AK9: variants seen among roughly 807,000 people sequenced by gnomAD.
The protein encoded by AK9 is adenylate kinase 9, also known as adenylate kinase domain containing 1.
AK9 carries 191 observed loss-of-function variants against 239.6 expected under a neutral mutation model. That is an observed-to-expected ratio of 0.80 (90% CI 0.71 to 0.90). AK9 has a LOEUF of 0.90. AK9 is among the 40% of genes least tolerant of loss of function. AK9 has a pLI of 0.00. For missense variants in AK9, 1,995 were observed against 2,214.7 expected, an observed-to-expected ratio of 0.90 and a Z score of 1.99; for synonymous variants, 689 against 721.0, an observed-to-expected ratio of 0.96 and a Z score of 0.71.
At chr6:109,498,930 A>G in intron 36 of AK9, 114 bp downstream of exon 36, 1 of 860,800 alleles carries the variant, frequency 1.2e-6, no homozygotes, top group Non-Finnish European at 1.7e-6. Context: ...CACAAGTTCC[A>G]GTAATGGGGC....
chr6:109,493,335 C>G lies in AK9; in HGVS notation c.*34G>C, dbSNP rs948791415. ...GTTTCCCTCTATCACTTTCAGATAA[C>G]TCTTGAGATTCAGGCTGCTATCACC... On this transcript the variant is annotated 3_prime_UTR_variant, in exon 41 of 41. Coordinates refer to ENST00000424296, the MANE Select transcript of AK9 (RefSeq NM_001145128.3). 6.3e-7 allele frequency: 1 copy of G among 1,586,262 alleles called. No homozygotes were observed.
Position 109,495,376 on chromosome 6 carries a change from G to A in AK9, c.5380C>T (p.Leu1794Phe). 5 of 1,613,888 alleles carry A rather than the reference G, an allele frequency of 3.1e-6. No individual in the cohort carries two copies. The highest frequency in any genetic ancestry group is 4.2e-6 in the Non-Finnish European group (5 of 1,179,938). Residue 1794 changes from leucine to phenylalanine, a missense_variant, in exon 39 of 41, where the codon CTT (leucine) becomes TTT (phenylalanine). This residue lies in a region of AK9 where 391 missense variants were observed against 456.0 expected (regional missense o/e 0.86). Coordinates refer to ENST00000424296, the MANE Select transcript of AK9 (RefSeq NM_001145128.3). ...HKLPPLREPI[L>F]LTSLPLPGYL... ...CCAGGCAAAGGAAGACTAGTAAGAA[G>A]TATCGGTTCCCTTAATGGGGGAAGC...
rs568703042 is a variant in AK9 at position 109,534,202 on chromosome 6, A to C, written c.3351-732T>G. Reference sequence around the variant, plus strand: ...GCCATTGCACTCCAGCCTGGGAAACAAGAGTGAAACTCCTTCTCAAAAAAA... The same window carrying C: ...GCCATTGCACTCCAGCCTGGGAAACCAGAGTGAAACTCCTTCTCAAAAAAA... On this transcript the variant is annotated intron_variant, in intron 27 of 40. Transcript: ENST00000424296. Among the ~76,000 whole-genome samples, 8 of 151,452 alleles carry C rather than the reference A, an allele frequency of 5.3e-5. No individual in the cohort carries two copies. The East Asian group carries it at 1.2e-3, about 22-fold the overall frequency.
chr6:109,511,812 TA>T (rs1778780177), intron 32 of AK9, among the ~76,000 whole-genome samples: 5 of 152,142 alleles, frequency 3.3e-5, no homozygotes, highest in Admixed American at 2.6e-4. Flanking sequence ...ATTAGGCTCC[TA>T]AAATTTGACA....
chr6:109,663,014 A>T (rs1182217438), intron 5 of AK9, among the ~76,000 whole-genome samples: 3 of 152,106 alleles, frequency 2.0e-5, no homozygotes, highest in Non-Finnish European at 2.9e-5. Flanking sequence ...AAGGTATATT[A>T]TAGGGGTTGC....
At chr6:109,648,572 C>T (rs1006326687) in intron 8 of AK9, among the ~76,000 whole-genome samples, 12 of 152,210 alleles carry the variant, frequency 7.9e-5, no homozygotes, top group Non-Finnish European at 7.3e-5. Context: ...AGACCAATAA[C>T]AGGCTCTGAA....
rs773179611 is a variant in AK9 at position 109,499,032 on chromosome 6, G to A, written c.5046+12C>T. ...TTCTTTAGTAAATATTTGGAGTTAG[G>A]AACAAACTTACATTCAGTTTTTCCT... On this transcript the variant is annotated intron_variant, in intron 36 of 40. Transcript: ENST00000424296. The A allele has an allele frequency of 4.0e-6, 6 of 1,493,436 alleles. No individual in the cohort carries two copies. In the South Asian group the frequency reaches 6.7e-5, roughly 17 times the overall value. The allele number at this position is 1,493,436 out of a possible 1,614,324, so 92.5% of individuals were successfully genotyped here. A position where few individuals can be genotyped will look rare whatever the true frequency, so the allele number is the denominator to read the frequency against.
chr6:109,540,360 T>C (rs565802191), intron 27 of AK9, among the ~76,000 whole-genome samples: 2 of 152,328 alleles, frequency 1.3e-5, no homozygotes, highest in East Asian at 3.9e-4. Context: ...GACTGCTGTG[T>C]TAGCAATGAG....
At chr6:109,659,524 C>T in intron 6 of AK9, 111 bp from the exon 7 acceptor site, 1 of 1,328,622 alleles carries the variant, frequency 7.5e-7, no homozygotes, top group Non-Finnish European at 9.9e-7. Flanking sequence ...TCCTTTAAAA[C>T]CTGAGCAAAT....
intron 1 of AK9, among the ~76,000 whole-genome samples, chr6:109,682,865 A>G (rs1772883898): frequency 6.6e-6 from 1 of 152,212 alleles, no homozygotes; most frequent in African/African-American, 2.4e-5. Flanking sequence ...TCCAATCAAT[A>G]GAAAAAGAGG....
chr6:109,507,752 C>T (rs1284557910), intron 33 of AK9, among the ~76,000 whole-genome samples: 6 of 152,134 alleles, frequency 3.9e-5, no homozygotes, highest in African/African-American at 1.4e-4. Flanking sequence ...TACGGCCATA[C>T]GTCTATATTT....
intron 29 of AK9, among the ~76,000 whole-genome samples, chr6:109,520,263 T>C (rs1291901357): frequency 6.6e-6 from 1 of 152,168 alleles, no homozygotes; most frequent in Non-Finnish European, 1.5e-5. Context: ...CACATTTACA[T>C]CTTTAATTTA....
At chr6:109,624,226 C>T (rs1401314933) in intron 12 of AK9, among the ~76,000 whole-genome samples, 4 of 152,118 alleles carry the variant, frequency 2.6e-5, no homozygotes, top group African/African-American at 9.7e-5. Context: ...ATTTTCTAGG[C>T]TTCCAGGCCT....
At position 109,509,227 on chromosome 6, in the gene AK9, A is replaced by G; in HGVS notation, c.4433T>C (p.Ile1478Thr). Reference sequence around the variant, plus strand: ...CATCAGAGAAAGTTCTAAGGCTTGAATAGCCAGTTCATCAGGTGCTGTCAT... The same window carrying G: ...CATCAGAGAAAGTTCTAAGGCTTGAGTAGCCAGTTCATCAGGTGCTGTCAT... ...KGMTAPDELAIQALELSLMES... is the reference protein window; with the variant it reads ...KGMTAPDELATQALELSLMES... Residue 1478 changes from isoleucine (I) to threonine (T), a missense_variant, in exon 33 of 41, where the codon ATT becomes ACT. This residue lies in a region of AK9 where 45 missense variants were observed against 80.5 expected (regional missense o/e 0.56). Coordinates refer to ENST00000424296, the MANE Select transcript of AK9 (RefSeq NM_001145128.3). The G allele has an allele frequency of 6.4e-7, 1 of 1,552,164 alleles. No homozygotes were observed. The highest frequency in any genetic ancestry group is 1.4e-5 in the African/African-American group (1 of 73,172).
intron 29 of AK9, chr6:109,528,230 T>C (rs761382937): frequency 5.7e-5 from 19 of 332,290 alleles, no homozygotes; most frequent in Admixed American, 3.1e-4. Context: ...AGTAGTTAAC[T>C]GTACTTAATT....
intron 20 of AK9, among the ~76,000 whole-genome samples, chr6:109,576,622 T>A (rs907182009): frequency 6.6e-6 from 1 of 151,938 alleles, no homozygotes; most frequent in African/African-American, 2.4e-5. Context: ...GATCATATCA[T>A]CAATGAACAG....
chr6:109,513,643 A>G (rs1220831437), intron 32 of AK9, among the ~76,000 whole-genome samples: 1 of 152,228 alleles, frequency 6.6e-6, no homozygotes, highest in Non-Finnish European at 1.5e-5. Flanking sequence ...CAGGATTAAC[A>G]AGAATTCTAG....
intron 17 of AK9, among the ~76,000 whole-genome samples, chr6:109,600,623 C>T (rs1791803696): frequency 6.6e-6 from 1 of 152,110 alleles, no homozygotes; most frequent in African/African-American, 2.4e-5. Flanking sequence ...CCCTCTTTTT[C>T]TATTGTTTGG....
chr6:109,677,914 A>G (rs58731181), intron 1 of AK9, among the ~76,000 whole-genome samples: 4,211 of 152,300 alleles, frequency 0.028, 98 homozygotes, highest in East Asian at 0.11. Flanking sequence ...AATAGTGACA[A>G]CACCAGATGT....
Sources: allele counts gnomAD v4.1 joint callset (sites outside exome capture counted in the v4.1 genomes callset), GRCh38; gene constraint gnomAD v4.1.1; regional missense constraint gnomAD v4.1.1; transcripts MANE v1.5; gene names NCBI Gene and HGNC (gene_info 2026-07-23, HGNC 2026-07-21).